The following ZNF418 variants were observed in gnomAD, a reference collection of about 807,000 sequenced individuals.
ZNF418 encodes zinc finger protein 418.
A neutral mutation model predicts 32.0 loss-of-function variants in ZNF418; 32 were observed. The observed-to-expected ratio is 1.00, with a 90% CI of 0.75 to 1.34. The LOEUF (loss-of-function observed/expected upper bound fraction) is 1.34. Ranked by LOEUF, ZNF418 falls within the 40% of genes most tolerant of loss-of-function variation. The pLI, the probability that ZNF418 is intolerant of heterozygous loss-of-function variation, is 0.00. For synonymous variants in ZNF418, 276 were observed against 270.7 expected (o/e 1.02, Z -0.19); for missense variants, 804 against 812.5 (o/e 0.99, Z 0.13).
At chr19:57,934,249 G>C in intron 1 of ZNF418, 1 of 1,033,248 alleles carries the variant, frequency 9.7e-7, no homozygotes, top group East Asian at 9.0e-5. Flanking sequence ...TTTTGAGCCA[G>C]AGTTTCGCTC....
intron 1 of ZNF418, 188 bp from the exon 2 acceptor site, chr19:57,934,090 G>A (rs1024077663): frequency 1.4e-6 from 2 of 1,403,894 alleles, no homozygotes; most frequent in Non-Finnish European, 1.9e-6. Context: ...AGGATTCTGG[G>A]TTTAGGGTTT....
Position 57,926,209 on chromosome 19 carries a change from G to A in ZNF418, c.1972C>T (p.Arg658Ter), listed in dbSNP as rs201485152. 7.6e-5 allele frequency: 122 copies of A among 1,613,914 alleles called. No homozygotes were observed. The highest frequency in any genetic ancestry group is 8.4e-5 in the Non-Finnish European group (99 of 1,179,930). The change falls in exon 4 of 6, where the codon CGA becomes TGA. Residue 658 changes from arginine (R) to a stop codon, truncating the protein, a stop_gained. Transcript: ENST00000396147. LOFTEE classifies it low-confidence loss of function (END_TRUNC). ...ECSECGKSFHRSSSLLRHQRV... is the reference protein window; with the variant it reads ...ECSECGKSFH ...TGATGTCGAAGGAGAGAAGAGCTTCGATGAAATGATTTTCCACATTCACTG... is the reference window on the plus strand; with the variant it reads ...TGATGTCGAAGGAGAGAAGAGCTTCAATGAAATGATTTTCCACATTCACTG...
At chr19:57,930,333 T>C (rs2072432963) in intron 3 of ZNF418, 95 bp downstream of exon 3, 1 of 1,585,540 alleles carries the variant, frequency 6.3e-7, no homozygotes, top group Non-Finnish European at 8.6e-7. Flanking sequence ...GCTGTGCCCA[T>C]GGTCCTGACA....
At position 57,926,987 on chromosome 19, in the gene ZNF418, A is replaced by G. The variant is rs570126683; in HGVS notation, c.1194T>C (p.Tyr398=). The G allele has an allele frequency of 6.2e-7, 1 of 1,614,166 alleles. No individual in the cohort carries two copies. The highest frequency in any genetic ancestry group is 1.1e-5 in the South Asian group (1 of 91,088). ...AAGATTTCCCACATTCTCCACACTCATAAGGTCGTTCTCTAGTGTGAACTC... is the reference window on the plus strand; with the variant it reads ...AAGATTTCCCACATTCTCCACACTCGTAAGGTCGTTCTCTAGTGTGAACTC... The part of the protein sequence containing the change: ...HHRVHTRERP[Y]ECGECGKSFS... Residue 398 remains tyrosine (Y), a synonymous_variant, in exon 4 of 6, where the codon TAT becomes TAC. Transcript: ENST00000396147.
In ZNF418 at chr19:57,930,506, ACTC is replaced by A. The variant is rs1287403909; in HGVS notation, c.52_54del (p.Glu18del). 6.2e-7 allele frequency: 1 copy of A among 1,613,902 alleles called. No individual in the cohort carries two copies. Among genetic ancestry groups the A allele is most frequent in the Admixed American group, 1.7e-5 (1 of 59,996 alleles). The stretch of plus-strand genomic sequence containing the variant: ...CTCTGAACCTCACTAAGGAGACTCC[ACTC>A]CTCCTGGGAAAAGTTCACAGCCACA... On this transcript the variant is annotated inframe_deletion, in exon 3 of 6. Transcript: ENST00000396147.
chr19:57,924,171 T>C (rs2072120477), intron 4 of ZNF418, among the ~76,000 whole-genome samples: 1 of 151,940 alleles, frequency 6.6e-6, no homozygotes, highest in South Asian at 2.1e-4. Context: ...ACATGGATTT[T>C]CTATTATTTT....
Position 57,926,265 on chromosome 19 carries a change from C to G in ZNF418, c.1916G>C (p.Arg639Thr). ...AETFSLTEHR[R>T]VHTGERPYEC... The stretch of plus-strand genomic sequence containing the variant: ...ATAAGGCCTTTCTCCAGTGTGTACT[C>G]TCCTGTGTTCAGTAAGACTGAAGGT... The change falls in exon 4 of 6, where the codon AGA becomes ACA. Residue 639 changes from arginine to threonine, a missense_variant. Around this residue, in one of 3 missense-constraint regions of ZNF418, gnomAD observed 475 missense variants for 458.6 expected, o/e 1.04. Transcript: ENST00000396147. The G allele has an allele frequency of 6.2e-7, 1 of 1,613,708 alleles. No homozygotes were observed. The highest frequency in any genetic ancestry group is 8.5e-7 in the Non-Finnish European group (1 of 1,179,752).
rs958779455 is a variant in ZNF418 at position 57,931,285 on chromosome 19, T to G, written c.7-731A>C. ...GGCGGGATCTCAGCTCACTGCAACC[T>G]CCACCTCCCAGGTTCAAGCAATTTT... On this transcript the variant is annotated intron_variant, in intron 2 of 5. Coordinates refer to ENST00000396147, the MANE Select transcript of ZNF418 (RefSeq NM_133460.3). Among the ~76,000 whole-genome samples, 8 of 151,578 alleles carry G rather than the reference T, an allele frequency of 5.3e-5. 1 individual carries two copies. The highest frequency in any genetic ancestry group is 1.3e-4 in the Admixed American group (2 of 15,170).
chr19:57,931,128 T>C (rs541676150), intron 2 of ZNF418, among the ~76,000 whole-genome samples: 1 of 152,266 alleles, frequency 6.6e-6, no homozygotes, highest in Non-Finnish European at 1.5e-5. Flanking sequence ...CTAATGCCTG[T>C]GGTATATCCG....
At chr19:57,933,375 C>G (rs745362822) in intron 2 of ZNF418, among the ~76,000 whole-genome samples, 2 of 149,920 alleles carry the variant, frequency 1.3e-5, no homozygotes, top group African/African-American at 4.9e-5. Flanking sequence ...GTCAGGAGAT[C>G]AAGACCATCT....
At chr19:57,931,714 G>A (rs2072494897) in intron 2 of ZNF418, among the ~76,000 whole-genome samples, 1 of 152,124 alleles carries the variant, frequency 6.6e-6, no homozygotes, top group Non-Finnish European at 1.5e-5. Flanking sequence ...AGCCTTCTGT[G>A]GAGATGGGAT....
rs746336142 is a variant in ZNF418 at position 57,927,196 on chromosome 19, G to C, written c.985C>G (p.Leu329Val). The stretch of plus-strand genomic sequence containing the variant: ...GTGTGAACTCGTTGATGTTTAATGA[G>C]AGTACCATTTTGACTAAAAGATTTC... ...CGKSFSQNGTLIKHQRVHTGE... is the reference protein window; with the variant it reads ...CGKSFSQNGTVIKHQRVHTGE... The change falls in exon 4 of 6, where the codon CTC (leucine) becomes GTC (valine). Residue 329 changes from leucine (L) to valine (V), a missense_variant. Around this residue, in one of 3 missense-constraint regions of ZNF418, gnomAD observed 475 missense variants for 458.6 expected, o/e 1.04. Transcript: ENST00000396147. 1 of 1,613,674 alleles carries C rather than the reference G, an allele frequency of 6.2e-7. No homozygotes were observed. Among genetic ancestry groups the C allele is most frequent in the South Asian group, 1.1e-5 (1 of 91,066 alleles).
Position 57,926,430 on chromosome 19 carries a change from A to C in ZNF418, c.1751T>G (p.Val584Gly), listed in dbSNP as rs374676366. The C allele has an allele frequency of 6.8e-6, 11 of 1,612,872 alleles. No individual in the cohort carries two copies. The African/African-American group carries it at 1.5e-4, about 22-fold the overall frequency. Residue 584 changes from valine (V) to glycine (G), a missense_variant, in exon 4 of 6, where the codon GTT (valine) becomes GGT (glycine). Physicochemically the swap from Val to Gly is moderately radical, Grantham distance 109 (BLOSUM62 -3). This residue lies in a region of ZNF418 where 475 missense variants were observed against 458.6 expected (regional missense o/e 1.04). Coordinates refer to ENST00000396147, the MANE Select transcript of ZNF418 (RefSeq NM_133460.3). ...TTCATAAGGCCTTTCTCCAGTGTGA[A>C]CTCTCCTGTGTTCAAGGAGACTGGA... The part of the protein sequence containing the change: ...FFSSLLEHRR[V>G]HTGERPYECR...
In ZNF418 at chr19:57,930,551, T is replaced by C. The variant is rs1168362645; in HGVS notation, c.10A>G (p.Thr4Ala). The C allele has an allele frequency of 1.2e-6, 2 of 1,613,992 alleles. No homozygotes were observed. Among genetic ancestry groups the C allele is most frequent in the Non-Finnish European group, 1.7e-6 (2 of 1,179,960 alleles). MQG[T>A]VAFEDVAVNF... Reference sequence around the variant, plus strand: ...ACAGCCACATCTTCAAATGCCACAGTGCCCTGCTATGATGGTGACAGATGA... The same window carrying C: ...ACAGCCACATCTTCAAATGCCACAGCGCCCTGCTATGATGGTGACAGATGA... The change falls in exon 3 of 6, where the codon ACT becomes GCT. Residue 4 changes from threonine to alanine, a missense_variant. Physicochemically the swap from Thr to Ala is moderately conservative, Grantham distance 58. This residue lies in a region of ZNF418 where 307 missense variants were observed against 304.9 expected (regional missense o/e 1.01). Coordinates refer to ENST00000396147, the MANE Select transcript of ZNF418 (RefSeq NM_133460.3).
At chr19:57,928,391 G>T (rs2072338411) in intron 3 of ZNF418, among the ~76,000 whole-genome samples, 1 of 152,028 alleles carries the variant, frequency 6.6e-6, no homozygotes, top group South Asian at 2.1e-4. Flanking sequence ...TCCCACCTCA[G>T]CCTCCACAGT....
intron 1 of ZNF418, 88 bp from the exon 2 acceptor site, chr19:57,933,990 C>G: frequency 6.4e-7 from 1 of 1,559,916 alleles, no homozygotes; most frequent in South Asian, 1.2e-5. Flanking sequence ...ATTTCATGAC[C>G]TGGTACCAAC....
At position 57,926,994 on chromosome 19, in the gene ZNF418, C is replaced by T. The variant is rs377042026; in HGVS notation, c.1187G>A (p.Arg396Gln). ...CCCACATTCTCCACACTCATAAGGT[C>T]GTTCTCTAGTGTGAACTCGATGATG... ...TEHHRVHTRE[R>Q]PYECGECGKS... The change falls in exon 4 of 6, where the codon CGA (arginine) becomes CAA (glutamine). Residue 396 changes from arginine to glutamine, a missense_variant. Physicochemically the swap from Arg to Gln is conservative, Grantham distance 43. This residue lies in a region of ZNF418 where 475 missense variants were observed against 458.6 expected (regional missense o/e 1.04). Transcript: ENST00000396147. The T allele has an allele frequency of 8.1e-6, 13 of 1,614,016 alleles. No individual in the cohort carries two copies. Among genetic ancestry groups the T allele is most frequent in the Middle Eastern group, 1.6e-4 (1 of 6,084 alleles).
intron 2 of ZNF418, 135 bp downstream of exon 2, chr19:57,933,682 C>G (rs1180284593): frequency 9.1e-5 from 105 of 1,155,058 alleles, no homozygotes; most frequent in Non-Finnish European, 1.3e-4. Context: ...GATCGTGCCA[C>G]TGCACTCCAG....
chr19:57,935,220 G>A lies in ZNF418; in HGVS notation c.-140C>T. 2 of 1,246,074 alleles carry A rather than the reference G, an allele frequency of 1.6e-6. No individual in the cohort carries two copies. The highest frequency in any genetic ancestry group is 3.4e-5 in the Admixed American group (1 of 29,686). 77.2% of individuals were successfully genotyped at this position (1,246,074 alleles called of 1,614,324 possible). On this transcript the variant is annotated 5_prime_UTR_variant, in exon 1 of 6. Transcript: ENST00000396147. The stretch of plus-strand genomic sequence containing the variant: ...CCGAGTACGCGGGGAAAGCACTGCC[G>A]GGAGCGGCGGGCGCCGTTACGGGGC...
Sources: gnomAD v4.1 joint callset for allele counts (sites outside exome capture counted in the v4.1 genomes callset) on GRCh38, gnomAD v4.1.1 for gene constraint, gnomAD v4.1.1 regional missense constraint, MANE v1.5 for transcripts, NCBI Gene and HGNC (gene_info 2026-07-23, HGNC 2026-07-21) for gene names.